Variants in PDE7B observed in about 807,000 individuals in gnomAD.
PDE7B encodes 3',5'-cyclic-AMP phosphodiesterase 7B.
PDE7B carries 29 observed loss-of-function variants against 56.2 expected under a neutral mutation model. The ratio of observed to expected loss-of-function variants is 0.52; its 90% CI spans 0.38 to 0.70. PDE7B has a LOEUF of 0.70. PDE7B is among the 30% of genes least tolerant of loss of function. The probability of loss-of-function intolerance (pLI) is 0.00; values close to 1 mark genes in which losing one functional copy is unlikely to be tolerated. For synonymous variants in PDE7B, 197 were observed against 196.9 expected, an observed-to-expected ratio of 1.00 and a Z score of 0.00; for missense variants, 490 against 565.0, an observed-to-expected ratio of 0.87 and a Z score of 1.35.
chr6:136,052,617 G>GCCCCCCCCCCCCCCCC (rs11400308), intron 2 of PDE7B, among the ~76,000 whole-genome samples: 12 of 142,772 alleles, frequency 8.4e-5, no homozygotes, highest in Admixed American at 1.4e-4. Context: ...TTAGGGTACA[G>GCCCCCCCCCCCCCCCC]CCCCCCCCCA....
chr6:135,897,303 C>A (rs1194557762), intron 1 of PDE7B, among the ~76,000 whole-genome samples: 1 of 151,364 alleles, frequency 6.6e-6, no homozygotes, highest in African/African-American at 2.4e-5. Flanking sequence ...TGTGTGTAGG[C>A]GGAGGAAGGA....
intron 1 of PDE7B, among the ~76,000 whole-genome samples, chr6:135,870,195 A>G (rs896168520): frequency 2.6e-5 from 4 of 152,188 alleles, no homozygotes; most frequent in African/African-American, 7.2e-5. Context: ...CAGTGTTCAG[A>G]TTTGGGTATT....
chr6:136,028,746 T>G (rs1776191936), intron 2 of PDE7B, among the ~76,000 whole-genome samples: 1 of 152,220 alleles, frequency 6.6e-6, no homozygotes. Flanking sequence ...TGAAATTATT[T>G]TGGTCTCATC....
chr6:135,948,582 C>G (rs1450347201), intron 2 of PDE7B, among the ~76,000 whole-genome samples: 1 of 151,814 alleles, frequency 6.6e-6, no homozygotes, highest in East Asian at 1.9e-4. Flanking sequence ...CAAACAAAAA[C>G]CAGACATCAT....
chr6:135,956,445 C>T (rs1466754236), intron 2 of PDE7B, among the ~76,000 whole-genome samples: 2 of 152,044 alleles, frequency 1.3e-5, no homozygotes. Flanking sequence ...TAGTGTGGAG[C>T]CAGGCCACAG....
At chr6:135,949,796 G>A (rs554996190) in intron 2 of PDE7B, among the ~76,000 whole-genome samples, 2 of 152,052 alleles carry the variant, frequency 1.3e-5, no homozygotes, top group East Asian at 1.9e-4. Context: ...TTAGTTTCAG[G>A]ACACATAGGA....
intron 2 of PDE7B, among the ~76,000 whole-genome samples, chr6:135,993,457 C>T (rs1262318826): frequency 6.6e-6 from 1 of 152,076 alleles, no homozygotes; most frequent in Non-Finnish European, 1.5e-5. Flanking sequence ...TTGAAAGCTC[C>T]CCAGGTGACT....
intron 2 of PDE7B, among the ~76,000 whole-genome samples, chr6:136,026,579 C>A (rs1171359168): frequency 6.6e-6 from 1 of 152,160 alleles, no homozygotes; most frequent in African/African-American, 2.4e-5. Flanking sequence ...CTGCTTTATA[C>A]AATATCCCAA....
chr6:136,158,620 G>A lies in PDE7B; in HGVS notation c.711+2862G>A, dbSNP rs566841812. On this transcript the variant is annotated intron_variant, in intron 8 of 12. Transcript: ENST00000308191. Reference sequence around the variant, plus strand: ...CTACCCTGAGATAAAGAGAGAGCAGGGCAGCTGGAGTGAAGGCCAGGTCAG... The same window carrying A: ...CTACCCTGAGATAAAGAGAGAGCAGAGCAGCTGGAGTGAAGGCCAGGTCAG... Among the ~76,000 whole-genome samples, 12 of 152,258 alleles carry A rather than the reference G, an allele frequency of 7.9e-5. No individual in the cohort carries two copies. The East Asian group carries it at 1.5e-3, about 20-fold the overall frequency.
intron 1 of PDE7B, among the ~76,000 whole-genome samples, chr6:135,864,664 A>AT (rs1775217479): frequency 6.6e-6 from 1 of 152,022 alleles, no homozygotes; most frequent in Non-Finnish European, 1.5e-5. Flanking sequence ...TTTTCTCTGC[A>AT]TTTATCCCAA....
At chr6:135,974,702 T>C (rs956080951) in intron 2 of PDE7B, among the ~76,000 whole-genome samples, 4 of 152,212 alleles carry the variant, frequency 2.6e-5, no homozygotes, top group African/African-American at 7.2e-5. Context: ...CAGGAATATG[T>C]GACAGACACC....
chr6:135,936,574 G>T (rs1774426485), intron 1 of PDE7B, among the ~76,000 whole-genome samples: 2 of 152,164 alleles, frequency 1.3e-5, no homozygotes, highest in African/African-American at 4.8e-5. Flanking sequence ...GCTGCACATT[G>T]TATCAGGCTC....
chr6:136,019,391 A>G (rs535689839), intron 2 of PDE7B, among the ~76,000 whole-genome samples: 12 of 152,020 alleles, frequency 7.9e-5, no homozygotes, highest in Admixed American at 3.9e-4. Flanking sequence ...TGAAAAAAAA[A>G]GAAGGAAAAA....
intron 2 of PDE7B, among the ~76,000 whole-genome samples, chr6:135,972,795 T>A (rs1460468576): frequency 6.6e-6 from 1 of 152,128 alleles, no homozygotes; most frequent in Non-Finnish European, 1.5e-5. Flanking sequence ...CCAAGACAGA[T>A]AGATGACAGC....
intron 2 of PDE7B, among the ~76,000 whole-genome samples, chr6:136,074,374 C>T (rs185908720): frequency 1.7e-4 from 25 of 151,446 alleles, no homozygotes; most frequent in Admixed American, 5.9e-4. Flanking sequence ...GCATCATAAT[C>T]GCATCAAGGT....
intron 2 of PDE7B, chr6:136,038,674 T>G: frequency 2.0e-6 from 1 of 502,298 alleles, no homozygotes; most frequent in Non-Finnish European, 3.1e-6. Context: ...TGCTGTATGA[T>G]AGAAATGCAT....
At chr6:136,149,505 CCTGA>C (rs1778475968) in intron 5 of PDE7B, among the ~76,000 whole-genome samples, 1 of 152,242 alleles carries the variant, frequency 6.6e-6, no homozygotes, top group Admixed American at 6.5e-5. Context: ...TCTGATCAGC[CCTGA>C]CTTTTACAGG....
At chr6:136,172,147 A>G (rs945652157) in intron 8 of PDE7B, among the ~76,000 whole-genome samples, 1 of 152,210 alleles carries the variant, frequency 6.6e-6, no homozygotes, top group Non-Finnish European at 1.5e-5. Flanking sequence ...CTTTGGGTAC[A>G]TACCCAGTAA....
At chr6:135,934,878 T>A (rs1274577602) in intron 1 of PDE7B, among the ~76,000 whole-genome samples, 4 of 107,346 alleles carry the variant, frequency 3.7e-5, no homozygotes, top group African/African-American at 1.6e-4. Flanking sequence ...TATATATAAA[T>A]ATTTATTTAA....
Sources: allele counts gnomAD v4.1 joint callset (sites outside exome capture counted in the v4.1 genomes callset), GRCh38; gene constraint gnomAD v4.1.1; transcripts MANE v1.5; gene names NCBI Gene and HGNC (gene_info 2026-07-23, HGNC 2026-07-21).